Variants in PCDHGA2 observed in about 807,000 individuals in gnomAD.
PCDHGA2 encodes the protein protocadherin gamma-A2.
A neutral mutation model predicts 59.2 loss-of-function variants in PCDHGA2; 40 were observed. The ratio of observed to expected loss-of-function variants is 0.68; its 90% CI spans 0.52 to 0.88. PCDHGA2 has a LOEUF of 0.88. PCDHGA2 is among the 40% of genes least tolerant of loss of function. The pLI, the probability that PCDHGA2 is intolerant of heterozygous loss-of-function variation, is 0.00. For missense variants in PCDHGA2, 1,226 were observed against 1,204.0 expected (o/e 1.02, Z -0.27); for synonymous variants, 560 against 526.0 (o/e 1.06, Z -0.89).
At chr5:141,376,674 TCG>T in intron 1 of PCDHGA2, 1 of 648,166 alleles carries the variant, frequency 1.5e-6, no homozygotes, top group South Asian at 2.1e-5. Context: ...GGTGAGGGTA[TCG>T]TTTTTTTTTT....
chr5:141,389,914 C>G (rs754458764), intron 1 of PCDHGA2: 1 of 1,614,074 alleles, frequency 6.2e-7, no homozygotes, highest in Non-Finnish European at 8.5e-7. Flanking sequence ...ACTGACCGCC[C>G]CGACCCCTCT....
chr5:141,464,823 C>T (rs890811354), intron 1 of PCDHGA2, among the ~76,000 whole-genome samples: 5 of 151,986 alleles, frequency 3.3e-5, no homozygotes, highest in African/African-American at 1.2e-4. Flanking sequence ...ACTGTAGCCT[C>T]GCACTCCTGG....
rs772255956 is a variant in PCDHGA2 at position 141,361,360 on chromosome 5, G to T, written c.2424+19965G>T. ...CTATTACAAACTAGTGACAGACGGC[G>T]CTCTGGACCGGGAGGAGATCCCAGA... On this transcript the variant is annotated intron_variant, in intron 1 of 3. Coordinates refer to ENST00000394576, the MANE Select transcript of PCDHGA2 (RefSeq NM_018915.4). 3.1e-6 allele frequency: 5 copies of T among 1,613,944 alleles called. No homozygotes were observed. In the Admixed American group the frequency reaches 5.0e-5, roughly 16 times the overall value.
chr5:141,433,062 T>G (rs1371087184), intron 1 of PCDHGA2: 1 of 1,614,074 alleles, frequency 6.2e-7, no homozygotes, highest in Non-Finnish European at 8.5e-7. Context: ...AAGAGTCACC[T>G]GATCTTCCCC....
At chr5:141,346,454 T>G (rs1757754427) in intron 1 of PCDHGA2, 3 of 1,614,188 alleles carry the variant, frequency 1.9e-6, no homozygotes, top group African/African-American at 2.7e-5. Flanking sequence ...CCAACCTACT[T>G]CAGGTGAGTT....
chr5:141,399,199 C>T (rs2093768918), intron 1 of PCDHGA2: 8 of 1,613,876 alleles, frequency 5.0e-6, no homozygotes, highest in Non-Finnish European at 6.8e-6. Flanking sequence ...AAACGCGGTG[C>T]CTGGAACACT....
At chr5:141,410,847 G>GTTTTT (rs773839667) in intron 1 of PCDHGA2, 12 of 158,330 alleles carry the variant, frequency 7.6e-5, no homozygotes, top group African/African-American at 2.5e-4. Flanking sequence ...TTTTGTCTTT[G>GTTTTT]TCTTTTTTTT....
rs374049261 is a variant in PCDHGA2, at chr5:141,393,657, C to T, written c.2424+52262C>T. ...CAACGGAAAAGTGGCATACAAATTC[C>T]GGAAAATTAATGAAAAACAAACTCC... On this transcript the variant is annotated intron_variant, in intron 1 of 3. Coordinates refer to ENST00000394576, the MANE Select transcript of PCDHGA2 (RefSeq NM_018915.4). The T allele has an allele frequency of 3.5e-5, 57 of 1,613,744 alleles. No individual in the cohort carries two copies. In the African/African-American group the frequency reaches 6.5e-4, roughly 19 times the overall value.
At chr5:141,408,280 C>A in intron 1 of PCDHGA2, 4 of 1,612,648 alleles carry the variant, frequency 2.5e-6, no homozygotes, top group Non-Finnish European at 3.4e-6. Context: ...CTTTGTTCTA[C>A]CCCACCCTGA....
rs1193497090 is a variant in PCDHGA2 at position 141,485,890 on chromosome 5, C to T, written c.2425-8917C>T. On this transcript the variant is annotated intron_variant, in intron 1 of 3. Coordinates refer to ENST00000394576, the MANE Select transcript of PCDHGA2 (RefSeq NM_018915.4). This position sits in a 1 kb window ranked among gnomAD's most constrained non-coding sequence, Gnocchi z 5.7. ...CCGTGCTGGACGTAAACGACAACGC[C>T]CCAGCCTTCCAGCAATCCAGCTACA... The T allele has an allele frequency of 6.2e-6, 10 of 1,614,156 alleles. No homozygotes were observed. Among genetic ancestry groups the T allele is most frequent in the Non-Finnish European group, 6.8e-6 (8 of 1,180,022 alleles).
Position 141,347,135 on chromosome 5 carries a change from C to CTT in PCDHGA2, c.2424+5741_2424+5742insTT, listed in dbSNP as rs1158265707. Among the ~76,000 whole-genome samples the CTT allele has an allele frequency of 2.7e-4, 37 of 136,484 alleles. 1 individual carries two copies. In the South Asian group the frequency reaches 6.8e-3, roughly 25 times the overall value. The allele number at this position is 136,484 out of a possible 152,430, so 89.5% of individuals were successfully genotyped here. On this transcript the variant is annotated intron_variant, in intron 1 of 3. Coordinates refer to ENST00000394576, the MANE Select transcript of PCDHGA2 (RefSeq NM_018915.4). ...TCCTCCTTCCTTCCTTCCTCTGTTT[C>CTT]TCTCTTTCTTTCTTTCTTTCTTTCT... is the stretch of plus-strand genomic sequence containing the variant.
intron 1 of PCDHGA2, chr5:141,383,770 A>G (rs776707003): frequency 6.2e-7 from 1 of 1,613,890 alleles, no homozygotes; most frequent in East Asian, 2.2e-5. Context: ...ACTTCCAAAG[A>G]TGTTTCATCT....
intron 1 of PCDHGA2, chr5:141,352,252 G>T: frequency 6.2e-7 from 1 of 1,614,086 alleles, no homozygotes; most frequent in Non-Finnish European, 8.5e-7. Context: ...CGGATAGCCT[G>T]CAAGAGGTAT....
chr5:141,495,839 A>G (rs2099764148), intron 2 of PCDHGA2, among the ~76,000 whole-genome samples: 1 of 150,756 alleles, frequency 6.6e-6, no homozygotes, highest in South Asian at 2.1e-4. Flanking sequence ...CCCAGCCTCT[A>G]TGTTTCTCTG....
chr5:141,428,354 T>G, intron 1 of PCDHGA2: 1 of 572,018 alleles, frequency 1.7e-6, no homozygotes. Context: ...GCAGTGATTT[T>G]GGCGGTCGCC....
At chr5:141,418,802 T>C in intron 1 of PCDHGA2, 1 of 1,613,862 alleles carries the variant, frequency 6.2e-7, no homozygotes, top group Non-Finnish European at 8.5e-7. Flanking sequence ...AGTAGAAAGA[T>C]ATACGATAAA....
chr5:141,421,380 G>A, intron 1 of PCDHGA2: 1 of 1,614,064 alleles, frequency 6.2e-7, no homozygotes, highest in Non-Finnish European at 8.5e-7. Context: ...ATATCTCCAA[G>A]GACCTGGGGC....
At chr5:141,510,402 G>A (rs2099880998) in intron 3 of PCDHGA2, among the ~76,000 whole-genome samples, 1 of 152,008 alleles carries the variant, frequency 6.6e-6, no homozygotes, top group African/African-American at 2.4e-5. Flanking sequence ...GCAAAGGCTA[G>A]GGGCATGTAA....
intron 1 of PCDHGA2, among the ~76,000 whole-genome samples, chr5:141,453,310 T>C (rs566320120): frequency 6.6e-6 from 1 of 152,044 alleles, no homozygotes; most frequent in South Asian, 2.1e-4. Context: ...TTTATTTATT[T>C]ATTTTAGAGA....
Sources: gnomAD v4.1 joint callset for allele counts (sites outside exome capture counted in the v4.1 genomes callset) on GRCh38, gnomAD v4.1.1 for gene constraint, Gnocchi (gnomAD v3.1) non-coding constraint, MANE v1.5 for transcripts, NCBI Gene and HGNC (gene_info 2026-07-23, HGNC 2026-07-21) for gene names.